Variants in P2RY8 observed in about 807,000 individuals in gnomAD.
P2RY8 encodes the protein P2Y receptor family member 8.
A neutral mutation model predicts 10.0 loss-of-function variants in P2RY8; 6 were observed. That is an observed-to-expected ratio of 0.60 (90% CI 0.33 to 1.19). The LOEUF (loss-of-function observed/expected upper bound fraction) is 1.19, where lower values mean the gene tolerates loss of function less well. P2RY8 is among the 50% of genes most tolerant of loss of function. The probability of loss-of-function intolerance (pLI) is 0.04; values close to 1 mark genes in which losing one functional copy is unlikely to be tolerated. For synonymous variants in P2RY8, 276 were observed against 252.5 expected (o/e 1.09, Z -0.88); for missense variants, 456 against 542.0 (o/e 0.84, Z 1.58).
intron 1 of P2RY8, among the ~76,000 whole-genome samples, chrX:1,507,604 G>A (rs1264481891): frequency 3.9e-5 from 6 of 152,102 alleles, no homozygotes; most frequent in Non-Finnish European, 5.9e-5. Context: ...GCTCGGGGCC[G>A]TGACGGCACC....
In P2RY8 at chrX:1,520,637, C is replaced by A. The variant is rs140021063; in HGVS notation, c.-25+16284G>T. Among the ~76,000 whole-genome samples the A allele has an allele frequency of 4.5e-3, 678 of 151,924 alleles. 3 individuals are homozygous for A. Among genetic ancestry groups the A allele is most frequent in the Non-Finnish European group, 7.9e-3 (534 of 67,950 alleles). ...AATCCTCTCCCTGATCCCCAATAAT[C>A]TCTCTGATCCCAATATTCTCTCTGA... On this transcript the variant is annotated intron_variant, in intron 1 of 1. Coordinates refer to ENST00000381297, the MANE Select transcript of P2RY8 (RefSeq NM_178129.5).
chrX:1,515,951 G>A (rs1396887630), intron 1 of P2RY8, among the ~76,000 whole-genome samples: 1 of 119,010 alleles, frequency 8.4e-6, no homozygotes, highest in African/African-American at 2.9e-5. Flanking sequence ...AGGGGTCGGG[G>A]GGTGGTGGAT....
rs749672418 is a variant in P2RY8 at position 1,465,594 on chromosome X, C to T, written c.965G>A (p.Arg322His). 6.2e-7 allele frequency: 1 copy of T among 1,613,056 alleles called. No homozygotes were observed. The highest frequency in any genetic ancestry group is 1.1e-5 in the South Asian group (1 of 91,072). Residue 322 changes from arginine to histidine, a missense_variant, in exon 2 of 2, where the codon CGC becomes CAC. By Grantham distance (29) the Arg-to-His change is conservative. Coordinates refer to ENST00000381297, the MANE Select transcript of P2RY8 (RefSeq NM_178129.5). ...GGTCCTGGCGGAGAAGAGGCTCTCG[C>T]GGCGCGTGTCCAGGGTGTCTCTGGG... The part of the protein sequence containing the change: ...RVPRDTLDTR[R>H]ESLFSARTTS...
Position 1,467,370 on chromosome X carries a change from T to C in P2RY8, c.-24-788A>G, listed in dbSNP as rs778184300. Among the ~76,000 whole-genome samples, 396 of 152,238 alleles carry C rather than the reference T, an allele frequency of 2.6e-3. 1 individual carries two copies. Among genetic ancestry groups the C allele is most frequent in the Non-Finnish European group, 3.4e-3 (231 of 68,004 alleles). Reference sequence around the variant, plus strand: ...GCTTTAAAATGGCCCGGAGTTTTCGTTTCAGTTTCAGGGAGAAGTTTTCTG... The same window carrying C: ...GCTTTAAAATGGCCCGGAGTTTTCGCTTCAGTTTCAGGGAGAAGTTTTCTG... On this transcript the variant is annotated intron_variant, in intron 1 of 1. Transcript: ENST00000381297.
At chrX:1,519,156 A>G (rs182805726) in intron 1 of P2RY8, among the ~76,000 whole-genome samples, 3 of 151,068 alleles carry the variant, frequency 2.0e-5, no homozygotes, top group Non-Finnish European at 3.0e-5. Flanking sequence ...CTGGTCCCCA[A>G]TCACCTCCCT....
At chrX:1,508,773 T>C (rs1328025688) in intron 1 of P2RY8, among the ~76,000 whole-genome samples, 1 of 150,728 alleles carries the variant, frequency 6.6e-6, no homozygotes. Context: ...CTATCTATCA[T>C]CTATGTATCT....
At chrX:1,499,051 T>A (rs1289966262) in intron 1 of P2RY8, among the ~76,000 whole-genome samples, 1 of 152,096 alleles carries the variant, frequency 6.6e-6, no homozygotes, top group Non-Finnish European at 1.5e-5. Flanking sequence ...CCCAGGCTGA[T>A]CTTGAACTCC....
chrX:1,521,210 A>G (rs1394225248), intron 1 of P2RY8, among the ~76,000 whole-genome samples: 4 of 151,614 alleles, frequency 2.6e-5, no homozygotes, highest in Admixed American at 1.3e-4. Flanking sequence ...CACCACGTCC[A>G]GCTAATTTTT....
intron 1 of P2RY8, among the ~76,000 whole-genome samples, chrX:1,526,487 T>A (rs1375350478): frequency 1.3e-5 from 2 of 152,122 alleles, no homozygotes; most frequent in Non-Finnish European, 2.9e-5. Context: ...CATCCATTTA[T>A]CCATCCATCC....
chrX:1,498,518 CTG>C (rs2092142376), intron 1 of P2RY8, among the ~76,000 whole-genome samples: 1 of 120,734 alleles, frequency 8.3e-6, no homozygotes, highest in African/African-American at 2.6e-5. Flanking sequence ...ACAGCCAACT[CTG>C]TATTTTTTTT....
At chrX:1,535,916 G>A (rs1638565561) in intron 1 of P2RY8, among the ~76,000 whole-genome samples, 1 of 152,080 alleles carries the variant, frequency 6.6e-6, no homozygotes, top group South Asian at 2.1e-4. Context: ...CAAGACCCAA[G>A]GAATTGGGGT....
intron 1 of P2RY8, among the ~76,000 whole-genome samples, chrX:1,504,754 A>G (rs1460937647): frequency 1.3e-5 from 2 of 152,294 alleles, no homozygotes; most frequent in Non-Finnish European, 2.9e-5. Flanking sequence ...TGGGAGGCTG[A>G]TGCGGGCGGA....
At chrX:1,522,866 C>T (rs1603458529) in intron 1 of P2RY8, among the ~76,000 whole-genome samples, 4 of 151,754 alleles carry the variant, frequency 2.6e-5, no homozygotes, top group Admixed American at 2.6e-4. Context: ...GTCAAGAGTT[C>T]GAGACCAGCC....
intron 1 of P2RY8, among the ~76,000 whole-genome samples, chrX:1,526,233 TATCCATAC>T (rs1430456282): frequency 6.7e-6 from 1 of 149,782 alleles, no homozygotes; most frequent in Non-Finnish European, 1.5e-5. Context: ...TCCATCCATT[TATCCATAC>T]ATCCACTATT....
intron 1 of P2RY8, among the ~76,000 whole-genome samples, chrX:1,484,135 G>T (rs1257049464): frequency 1.3e-5 from 2 of 152,164 alleles, no homozygotes; most frequent in Non-Finnish European, 2.9e-5. Flanking sequence ...ACTCAGGAAA[G>T]ATTTTCATCT....
intron 1 of P2RY8, among the ~76,000 whole-genome samples, chrX:1,532,801 A>G (rs2092489313): frequency 6.6e-6 from 1 of 152,018 alleles, no homozygotes; most frequent in South Asian, 2.1e-4. Context: ...GGAGTTTGAG[A>G]CCAGCCTGGC....
intron 1 of P2RY8, among the ~76,000 whole-genome samples, chrX:1,469,893 ACT>A (rs1160179401): frequency 6.6e-6 from 1 of 152,038 alleles, no homozygotes; most frequent in Non-Finnish European, 1.5e-5. Context: ...ACAGAGCGAG[ACT>A]CTGTCTCAAA....
intron 1 of P2RY8, 79 bp from the exon 2 acceptor site, chrX:1,466,661 G>C: frequency 1.5e-6 from 2 of 1,372,338 alleles, no homozygotes; most frequent in South Asian, 1.4e-5. Context: ...CCTGAGCGCC[G>C]CTCCCCGGGG....
chrX:1,485,040 G>A (rs2091974845), intron 1 of P2RY8, among the ~76,000 whole-genome samples: 1 of 142,904 alleles, frequency 7.0e-6, no homozygotes, highest in Non-Finnish European at 1.5e-5. Context: ...TGTTGCTCAG[G>A]CTGGTCTCCA....
Sources: allele counts gnomAD v4.1 joint callset (sites outside exome capture counted in the v4.1 genomes callset), GRCh38; gene constraint gnomAD v4.1.1; transcripts MANE v1.5; gene names NCBI Gene and HGNC (gene_info 2026-07-23, HGNC 2026-07-21).